ADAM20: variants seen among roughly 807,000 people sequenced by gnomAD.
ADAM20 encodes disintegrin and metalloproteinase domain-containing protein 20.
For synonymous variants in ADAM20, 305 were observed against 310.2 expected (o/e 0.98, Z 0.18); for missense variants, 871 against 883.2 (o/e 0.99, Z 0.18).
the ADAM20 span, among the ~76,000 whole-genome samples, chr14:70,578,643 C>T: frequency 6.6e-6 from 1 of 151,990 alleles, no homozygotes; most frequent in Admixed American, 6.6e-5. Flanking sequence ...AATAAATGAA[C>T]AAGAATAAAA....
At chr14:70,557,899 T>C in the ADAM20 span, among the ~76,000 whole-genome samples, 1 of 152,236 alleles carries the variant, frequency 6.6e-6, no homozygotes, top group Non-Finnish European at 1.5e-5. Context: ...AGGCAGATTT[T>C]CTTGGTTCCT....
At chr14:70,546,563 T>C in the ADAM20 span, among the ~76,000 whole-genome samples, 4 of 152,116 alleles carry the variant, frequency 2.6e-5, no homozygotes, top group Non-Finnish European at 5.9e-5. Flanking sequence ...AGAATATGCA[T>C]CTATCTAGTG....
At chr14:70,568,330 A>G in the ADAM20 span, among the ~76,000 whole-genome samples, 8 of 151,882 alleles carry the variant, frequency 5.3e-5, no homozygotes, top group Non-Finnish European at 1.0e-4. Context: ...AAGATCATAC[A>G]CAACATACAC....
chr14:70,562,029 A>G, the ADAM20 span, among the ~76,000 whole-genome samples: 1 of 152,194 alleles, frequency 6.6e-6, no homozygotes, highest in Non-Finnish European at 1.5e-5. Context: ...AGACCCCAGA[A>G]TGGCAGATCC....
chr14:70,541,300 A>T, the ADAM20 span, among the ~76,000 whole-genome samples: 1 of 152,266 alleles, frequency 6.6e-6, no homozygotes, highest in Admixed American at 6.5e-5. Context: ...TAATAAGCTT[A>T]GCTGTACAAT....
chr14:70,561,729 C>T, the ADAM20 span, among the ~76,000 whole-genome samples: 6 of 152,212 alleles, frequency 3.9e-5, no homozygotes, highest in Non-Finnish European at 8.8e-5. Context: ...AAGTACAGCT[C>T]GGGTCATGGC....
intron 1 of ADAM20, among the ~76,000 whole-genome samples, chr14:70,530,711 T>A (rs924875021): frequency 6.6e-6 from 1 of 152,138 alleles, no homozygotes. Context: ...ATGTGGTTCA[T>A]CTGCAGATGG....
At chr14:70,555,386 TTAAA>T in the ADAM20 span, among the ~76,000 whole-genome samples, 1 of 152,222 alleles carries the variant, frequency 6.6e-6, no homozygotes, top group Non-Finnish European at 1.5e-5. Flanking sequence ...GTTGTATACC[TTAAA>T]TATATACAAT....
the ADAM20 span, among the ~76,000 whole-genome samples, chr14:70,571,576 T>C: frequency 2.0e-5 from 3 of 152,316 alleles, no homozygotes; most frequent in African/African-American, 4.8e-5. Context: ...AGCATCAGAA[T>C]TGACTAATAC....
the ADAM20 span, chr14:70,547,362 CG>C: frequency 6.6e-5 from 10 of 151,676 alleles, no homozygotes; most frequent in Admixed American, 4.6e-4. Context: ...ACGCAGAAGA[CG>C]GGTGATTTCT....
At chr14:70,545,515 G>C in the ADAM20 span, among the ~76,000 whole-genome samples, 1 of 151,968 alleles carries the variant, frequency 6.6e-6, no homozygotes, top group Admixed American at 6.6e-5. Flanking sequence ...TAAAAATAAA[G>C]GGATGGGAAA....
chr14:70,563,071 GAGA>G, the ADAM20 span, among the ~76,000 whole-genome samples: 2 of 152,146 alleles, frequency 1.3e-5, no homozygotes, highest in African/African-American at 2.4e-5. Flanking sequence ...TTAGCAATCT[GAGA>G]AGAATTCTCA....
At chr14:70,571,803 C>G in the ADAM20 span, among the ~76,000 whole-genome samples, 1 of 152,116 alleles carries the variant, frequency 6.6e-6, no homozygotes, top group African/African-American at 2.4e-5. Flanking sequence ...ATACAAAAAT[C>G]AATGTACAAA....
chr14:70,563,303 T>C, the ADAM20 span, among the ~76,000 whole-genome samples: 3 of 152,080 alleles, frequency 2.0e-5, no homozygotes, highest in African/African-American at 7.2e-5. Context: ...GTTTGCTATA[T>C]TGCAAGCAGG....
chr14:70,577,608 TAACA>T, the ADAM20 span, among the ~76,000 whole-genome samples: 34 of 152,166 alleles, frequency 2.2e-4, no homozygotes, highest in African/African-American at 8.2e-4. Flanking sequence ...ATTTGAAACA[TAACA>T]AAATTGGAGT....
At chr14:70,574,589 G>A in the ADAM20 span, among the ~76,000 whole-genome samples, 8 of 151,876 alleles carry the variant, frequency 5.3e-5, no homozygotes, top group South Asian at 1.2e-3. Flanking sequence ...GCAGTGAGCC[G>A]AGATCGCACC....
At chr14:70,557,751 A>AT in the ADAM20 span, among the ~76,000 whole-genome samples, 10,384 of 145,380 alleles carry the variant, frequency 0.071, 522 homozygotes, top group African/African-American at 0.14. Flanking sequence ...TTCTTAAAAC[A>AT]TTTTTTTTTT....
chr14:70,555,218 G>A, the ADAM20 span, among the ~76,000 whole-genome samples: 1 of 152,052 alleles, frequency 6.6e-6, no homozygotes. Flanking sequence ...TAACAGTATT[G>A]TATTTTATAC....
chr14:70,566,246 A>G, the ADAM20 span, among the ~76,000 whole-genome samples: 1 of 152,382 alleles, frequency 6.6e-6, no homozygotes, highest in East Asian at 1.9e-4. Flanking sequence ...ACTAAGAACT[A>G]TAACAATTAA....
Sources: gnomAD v4.1 joint callset for allele counts (sites outside exome capture counted in the v4.1 genomes callset) on GRCh38, gnomAD v4.1.1 for gene constraint, MANE v1.5 for transcripts, NCBI Gene and HGNC (gene_info 2026-07-23, HGNC 2026-07-21) for gene names.